Variants in MAP7D3 observed in about 807,000 individuals in gnomAD.
MAP7D3 encodes the protein MAP7 domain-containing protein 3.
In MAP7D3, 45 loss-of-function variants were observed where a neutral mutation model predicts 62.2. The ratio of observed to expected loss-of-function variants is 0.72; its 90% CI spans 0.57 to 0.93. The LOEUF (loss-of-function observed/expected upper bound fraction) is 0.93. MAP7D3 is among the 40% of genes least tolerant of loss of function. MAP7D3 has a pLI of 0.00. For synonymous variants in MAP7D3, 288 were observed against 248.8 expected, an observed-to-expected ratio of 1.16 and a Z score of -1.48; for missense variants, 711 against 683.1, an observed-to-expected ratio of 1.04 and a Z score of -0.45.
upstream of MAP7D3, among the ~76,000 whole-genome samples, chrX:136,254,483 C>G (rs764193882): frequency 2.8e-4 from 31 of 111,484 alleles, no homozygotes; most frequent in Non-Finnish European, 5.5e-4. Context: ...GGGAGGCACC[C>G]TACTAGTCTT....
Position 136,251,342 on chromosome X carries a change from G to C in MAP7D3, c.17C>G (p.Ala6Gly). 8.9e-7 allele frequency: 1 copy of C among 1,126,522 alleles called. No homozygotes were observed. The highest frequency in any genetic ancestry group is 1.2e-6 in the Non-Finnish European group (1 of 859,108). The allele number at this position is 1,126,522 out of a possible 1,213,427, so 92.8% of individuals were successfully genotyped here. ...TGGGCTGCCGCCAGCGCCAGCTGCG[G>C]CGCCGTCCGCCATCATCGGAGTCGG... MMADG[A>G]AAGAGGSPSL... is the part of the protein sequence containing the mutation. The change falls in exon 1 of 19, where the codon GCC (alanine) becomes GGC (glycine). Residue 6 changes from alanine to glycine, a missense_variant. Transcript: ENST00000316077.
Position 136,240,544 on chromosome X carries a change from C to A in MAP7D3, c.536-58G>T. On this transcript the variant is annotated intron_variant, in intron 5 of 18. Transcript: ENST00000316077. The stretch of plus-strand genomic sequence containing the variant: ...ATTTCAAGGAGGAAAGAATCATTAA[C>A]TGAAAAAAAAATGAGTTTTCATGAT... 1.6e-5 allele frequency: 13 copies of A among 797,570 alleles called. No individual in the cohort carries two copies. The Admixed American group carries it at 2.0e-4, about 12-fold the overall frequency. 65.7% of individuals were successfully genotyped at this position (797,570 alleles called of 1,213,427 possible). A position where few individuals can be genotyped will look rare whatever the true frequency, so the allele number is the denominator to read the frequency against.
At chrX:136,243,563 C>T (rs1464581232) in intron 4 of MAP7D3, among the ~76,000 whole-genome samples, 1 of 110,983 alleles carries the variant, frequency 9.0e-6, no homozygotes, top group Non-Finnish European at 1.9e-5. Flanking sequence ...ATTAGCCAGG[C>T]GTGGCGGTAG....
At chrX:136,236,883 G>A (rs866129963) in intron 6 of MAP7D3, among the ~76,000 whole-genome samples, 4 of 111,823 alleles carry the variant, frequency 3.6e-5, no homozygotes, top group African/African-American at 1.3e-4. Flanking sequence ...TTTACCCTGC[G>A]GAGCCATTCT....
chrX:136,255,411 G>A (rs2074546217), upstream of MAP7D3, among the ~76,000 whole-genome samples: 2 of 111,823 alleles, frequency 1.8e-5, no homozygotes, highest in South Asian at 3.7e-4. Flanking sequence ...GTAGATTACT[G>A]TGAGATTTAG....
chrX:136,240,672 C>T (rs181088842), intron 5 of MAP7D3, among the ~76,000 whole-genome samples, 186 bp from the exon 6 acceptor site: 1,270 of 111,278 alleles, frequency 0.011, 19 homozygotes, highest in African/African-American at 0.038. Context: ...GTTGGCCAGG[C>T]GGGTCTTGAA....
At chrX:136,235,088 G>C (rs1322618939) in intron 7 of MAP7D3, among the ~76,000 whole-genome samples, 1 of 111,845 alleles carries the variant, frequency 8.9e-6, no homozygotes, top group African/African-American at 3.3e-5. Flanking sequence ...ATTTCAAACA[G>C]AGCCATTCCC....
intron 11 of MAP7D3, among the ~76,000 whole-genome samples, chrX:136,228,097 T>C (rs2074219906): frequency 8.9e-6 from 1 of 112,042 alleles, no homozygotes; most frequent in African/African-American, 3.2e-5. Context: ...AAACCTTTGC[T>C]AGAATTTGAA....
At chrX:136,254,982 A>C, upstream of MAP7D3, among the ~76,000 whole-genome samples, 1 of 112,462 alleles carries the variant, frequency 8.9e-6, no homozygotes, top group East Asian at 2.8e-4. Context: ...TTGGAAGGCC[A>C]ATGCGAGCAG....
downstream of MAP7D3, among the ~76,000 whole-genome samples, chrX:136,216,390 GAGAAGAAGAAAGAAGA>G (rs1489095009): frequency 7.4e-4 from 61 of 82,695 alleles, no homozygotes; most frequent in East Asian, 2.4e-3. Flanking sequence ...AAGAAAAAAA[GAGAAGAAGAAAGAAGA>G]AGAAGAAGAA....
upstream of MAP7D3, among the ~76,000 whole-genome samples, chrX:136,252,697 A>T (rs2074526817): frequency 1.4e-5 from 1 of 70,837 alleles, no homozygotes; most frequent in Non-Finnish European, 3.1e-5. Context: ...AAAAAAAAAA[A>T]AAGAAAAGAA....
chrX:136,247,895 C>T (rs2074466126), intron 1 of MAP7D3, among the ~76,000 whole-genome samples: 1 of 112,153 alleles, frequency 8.9e-6, no homozygotes, highest in African/African-American at 3.2e-5. Flanking sequence ...CCGTATTTGA[C>T]ACTATTTAGC....
chrX:136,251,691 A>G (rs994136199), upstream of MAP7D3: 1 of 224,538 alleles, frequency 4.5e-6, no homozygotes, highest in Non-Finnish European at 6.5e-6. Flanking sequence ...TTACCTAGCA[A>G]CACAGTAACA....
chrX:136,224,853 T>G lies in MAP7D3; in HGVS notation c.2167A>C (p.Arg723=). The G allele has an allele frequency of 1.7e-6, 2 of 1,180,956 alleles. No individual in the cohort carries two copies. Among genetic ancestry groups the G allele is most frequent in the South Asian group, 3.6e-5 (2 of 56,137 alleles). Reference sequence around the variant, plus strand: ...TTTGAGGCATTCACATCTGTCTTTCTTGTCCGCTTCATAATTTCTTCTATT... The same window carrying G: ...TTTGAGGCATTCACATCTGTCTTTCGTGTCCGCTTCATAATTTCTTCTATT... ...KRIEEIMKRT[R]KTDVNASKVT... Residue 723 remains arginine, a synonymous_variant, in exon 14 of 19, where the codon AGA becomes CGA. Transcript: ENST00000316077.
In MAP7D3 at chrX:136,231,847, C is replaced by T. The variant is rs747488763; in HGVS notation, c.1110G>A (p.Pro370=). 16 of 1,209,708 alleles carry T rather than the reference C, an allele frequency of 1.3e-5. No individual in the cohort carries two copies. Among genetic ancestry groups the T allele is most frequent in the South Asian group, 3.5e-5 (2 of 56,757 alleles). ...TGGGAACTGTTTCCAGGTCCACCTT[C>T]GGGAGTGCTTCTATGCTCAACTCGG... The part of the protein sequence containing the change: ...ASPELSIEAL[P]KVDLETVPKV... The change falls in exon 8 of 19, where the codon CCG becomes CCA. Residue 370 remains proline (P), a synonymous_variant. Coordinates refer to ENST00000316077, the MANE Select transcript of MAP7D3 (RefSeq NM_024597.4).
intron 7 of MAP7D3, among the ~76,000 whole-genome samples, chrX:136,233,727 T>G (rs1057139619): frequency 9.2e-5 from 10 of 108,626 alleles, no homozygotes; most frequent in African/African-American, 3.4e-4. Flanking sequence ...TCACCTAATC[T>G]TACCCCAAAT....
chrX:136,225,516 T>A (rs1248242120), intron 13 of MAP7D3, among the ~76,000 whole-genome samples: 1 of 111,944 alleles, frequency 8.9e-6, no homozygotes, highest in Non-Finnish European at 1.9e-5. Flanking sequence ...AGCCTGCACC[T>A]TGGCCTCTCA....
At chrX:136,245,038 C>G (rs182131168) in intron 3 of MAP7D3, among the ~76,000 whole-genome samples, 129 of 112,353 alleles carry the variant, frequency 1.1e-3, no homozygotes, top group Admixed American at 3.0e-3. Flanking sequence ...GACTCTCATC[C>G]TGTCCAAACT....
rs1449943294 is a variant in MAP7D3, at chrX:136,218,447, A to G, written c.*79T>C. 8.9e-6 allele frequency: 1 copy of G among 112,017 alleles called. No homozygotes were observed. Among genetic ancestry groups the G allele is most frequent in the Admixed American group, 9.5e-5 (1 of 10,560 alleles). The allele number at this position is 112,017 out of a possible 1,213,427, so 9.2% of individuals were successfully genotyped here. On this transcript the variant is annotated 3_prime_UTR_variant, in exon 19 of 19. Transcript: ENST00000316077. ...GATGGGCCCAGGAGTTGAGTTATCC[A>G]GAGTGGAAGATGTATTCATCTCCCA...
Sources: gnomAD v4.1 joint callset for allele counts (sites outside exome capture counted in the v4.1 genomes callset) on GRCh38, gnomAD v4.1.1 for gene constraint, MANE v1.5 for transcripts, NCBI Gene and HGNC (gene_info 2026-07-23, HGNC 2026-07-21) for gene names.